The following GABRG3 variants were observed in gnomAD, a reference collection of about 807,000 sequenced individuals.
GABRG3 encodes gamma-aminobutyric acid type A receptor subunit gamma3.
In GABRG3, 25 loss-of-function variants were observed where a neutral mutation model predicts 48.8. The observed-to-expected ratio is 0.51, with a 90% CI of 0.37 to 0.72. The LOEUF (loss-of-function observed/expected upper bound fraction) is 0.72, where lower values mean the gene tolerates loss of function less well. Ranked by LOEUF, GABRG3 falls within the 30% of genes least tolerant of loss-of-function variation. The probability of loss-of-function intolerance (pLI) is 0.00; values close to 1 mark genes in which losing one functional copy is unlikely to be tolerated. For missense variants in GABRG3, 394 were observed against 577.9 expected, an observed-to-expected ratio of 0.68 and a Z score of 3.26; for synonymous variants, 227 against 217.6, an observed-to-expected ratio of 1.04 and a Z score of -0.38.
chr15:26,999,588 G>C (rs1027829561), intron 2 of GABRG3, among the ~76,000 whole-genome samples: 10 of 151,984 alleles, frequency 6.6e-5, no homozygotes, highest in African/African-American at 1.9e-4. Flanking sequence ...TAGTATTCTT[G>C]GTATTTTCCC....
chr15:27,358,096 G>A (rs1223233745), intron 5 of GABRG3, among the ~76,000 whole-genome samples: 4 of 152,184 alleles, frequency 2.6e-5, no homozygotes, highest in Non-Finnish European at 5.9e-5. Context: ...CCAGACTCAT[G>A]AAGGTGGATA....
chr15:27,397,079 G>C (rs1566822892), intron 5 of GABRG3, among the ~76,000 whole-genome samples: 1 of 152,022 alleles, frequency 6.6e-6, no homozygotes, highest in Non-Finnish European at 1.5e-5. Flanking sequence ...CATTTTTACG[G>C]TACATAAACT....
At chr15:27,235,018 TG>T (rs1168657204) in intron 3 of GABRG3, among the ~76,000 whole-genome samples, 2 of 152,106 alleles carry the variant, frequency 1.3e-5, no homozygotes, top group Non-Finnish European at 2.9e-5. Context: ...GCTGAGGGCG[TG>T]GGGGGCTGTT....
chr15:27,128,356 G>A (rs1252391577), intron 3 of GABRG3, among the ~76,000 whole-genome samples: 1 of 152,138 alleles, frequency 6.6e-6, no homozygotes, highest in Admixed American at 6.5e-5. Flanking sequence ...CTCCCTTCAT[G>A]CATGATCAAC....
At position 26,971,529 on chromosome 15, in the gene GABRG3, C is replaced by G. The variant is rs551679536; in HGVS notation, c.-7C>G. 3.3e-6 allele frequency: 5 copies of G among 1,524,962 alleles called. No homozygotes were observed. Among genetic ancestry groups the G allele is most frequent in the Non-Finnish European group, 4.4e-6 (5 of 1,136,766 alleles). The allele number at this position is 1,524,962 out of a possible 1,614,324, so 94.5% of individuals were successfully genotyped here. ...CCCGGACCCTGCGCCCCGAGCTCCA[C>G]GGCACCATGGCCCCGAAGCTGCTGC... is the stretch of plus-strand genomic sequence containing the variant. On this transcript the variant is annotated 5_prime_UTR_variant, in exon 1 of 10. Transcript: ENST00000615808.
chr15:27,175,279 G>T (rs1887711112), intron 3 of GABRG3, among the ~76,000 whole-genome samples: 1 of 152,136 alleles, frequency 6.6e-6, no homozygotes, highest in African/African-American at 2.4e-5. Flanking sequence ...CTGGTTTAGG[G>T]GGTATGTGTT....
intron 3 of GABRG3, among the ~76,000 whole-genome samples, chr15:27,130,393 A>G (rs1167162949): frequency 6.6e-6 from 1 of 152,092 alleles, no homozygotes; most frequent in African/African-American, 2.4e-5. Context: ...TCTTTGTTCC[A>G]CTGGTCTAGA....
chr15:27,159,624 T>G (rs1050418383), intron 3 of GABRG3, among the ~76,000 whole-genome samples: 12 of 152,148 alleles, frequency 7.9e-5, no homozygotes, highest in Non-Finnish European at 1.2e-4. Flanking sequence ...TCAGCTACAT[T>G]GATGCCTCCT....
chr15:27,396,958 TATTATCA>T (rs1270829556), intron 5 of GABRG3, among the ~76,000 whole-genome samples: 2 of 152,028 alleles, frequency 1.3e-5, no homozygotes, highest in Admixed American at 1.3e-4. Flanking sequence ...TGGGGAGGGG[TATTATCA>T]ATGAAGAGGT....
intron 3 of GABRG3, among the ~76,000 whole-genome samples, chr15:27,307,157 A>T (rs186011615): frequency 0.013 from 1,777 of 134,890 alleles, 75 homozygotes; most frequent in African/African-American, 0.044. Flanking sequence ...TAAACATATA[A>T]AAACATGTTT....
intron 3 of GABRG3, among the ~76,000 whole-genome samples, chr15:27,085,350 T>C (rs2140748303): frequency 6.6e-6 from 1 of 152,344 alleles, no homozygotes; most frequent in South Asian, 2.1e-4. Flanking sequence ...ACCAGCTATT[T>C]TTTAACCAGT....
chr15:27,218,753 T>A lies in GABRG3; in HGVS notation c.271-108056T>A, dbSNP rs79771166. 3.6e-3 allele frequency among the ~76,000 whole-genome samples: 550 copies of A among 152,062 alleles called. 3 individuals carry two copies. The highest frequency in any genetic ancestry group is 0.013 in the African/African-American group (525 of 41,462). ...TGAGGTTTAGCATAGTGCTCGGGAGTCAGATGTCATTGATTTTGAACCGCT... is the reference window on the plus strand; with the variant it reads ...TGAGGTTTAGCATAGTGCTCGGGAGACAGATGTCATTGATTTTGAACCGCT... On this transcript the variant is annotated intron_variant, in intron 3 of 9. Transcript: ENST00000615808.
chr15:26,987,998 T>C (rs1023229936), intron 2 of GABRG3, among the ~76,000 whole-genome samples: 2 of 152,230 alleles, frequency 1.3e-5, no homozygotes, highest in Non-Finnish European at 2.9e-5. Flanking sequence ...ATTTCTAATT[T>C]AATTTCACTG....
At chr15:27,309,225 T>G (rs939005580) in intron 3 of GABRG3, among the ~76,000 whole-genome samples, 12 of 140,416 alleles carry the variant, frequency 8.5e-5, no homozygotes, top group Non-Finnish European at 1.7e-4. Flanking sequence ...AGAAACATAA[T>G]GTAAACATAT....
intron 5 of GABRG3, among the ~76,000 whole-genome samples, chr15:27,433,007 C>G (rs1015988070): frequency 6.6e-6 from 1 of 152,138 alleles, no homozygotes; most frequent in Non-Finnish European, 1.5e-5. Context: ...ATATTTCTAC[C>G]AAGAATGTGT....
intron 5 of GABRG3, among the ~76,000 whole-genome samples, chr15:27,346,675 C>T (rs890603533): frequency 6.6e-6 from 1 of 151,408 alleles, no homozygotes; most frequent in Non-Finnish European, 1.5e-5. Context: ...TTTAACTGAC[C>T]TATTTTTATG....
intron 3 of GABRG3, among the ~76,000 whole-genome samples, chr15:27,205,756 T>TTGGTCAATTCAGGTTTCA (rs1888831991): frequency 6.6e-6 from 1 of 152,012 alleles, no homozygotes; most frequent in Middle Eastern, 3.2e-3. Context: ...GAACTTGTTA[T>TTGGTCAATTCAGGTTTCA]TGGTCAATTC....
At chr15:27,308,745 G>A (rs1174071746) in intron 3 of GABRG3, among the ~76,000 whole-genome samples, 1 of 148,024 alleles carries the variant, frequency 6.8e-6, no homozygotes. Flanking sequence ...ACGTTTATAT[G>A]TAAACATATA....
At chr15:27,386,565 G>T (rs1427531373) in intron 5 of GABRG3, among the ~76,000 whole-genome samples, 3 of 151,584 alleles carry the variant, frequency 2.0e-5, no homozygotes, top group Admixed American at 6.6e-5. Flanking sequence ...TTTTTCAGGA[G>T]AATTTTTCTG....
Sources: allele counts gnomAD v4.1 joint callset (sites outside exome capture counted in the v4.1 genomes callset), GRCh38; gene constraint gnomAD v4.1.1; transcripts MANE v1.5; gene names NCBI Gene and HGNC (gene_info 2026-07-23, HGNC 2026-07-21).